Variants in ANKRD52 observed in about 807,000 individuals in gnomAD.
ANKRD52 encodes ankyrin repeat domain 52.
A neutral mutation model predicts 116.0 loss-of-function variants in ANKRD52; 7 were observed. The observed-to-expected ratio is 0.06, with a 90% CI of 0.03 to 0.11. The LOEUF (loss-of-function observed/expected upper bound fraction) is 0.11. ANKRD52 is among the 10% of genes least tolerant of loss of function. ANKRD52 has a pLI of 1.00. For synonymous variants in ANKRD52, 528 were observed against 578.1 expected (o/e 0.91, Z 1.24); for missense variants, 839 against 1,408.6 (o/e 0.60, Z 6.47).
Position 56,252,371 on chromosome 12 carries a change from A to C in ANKRD52, c.1371-56T>G. On this transcript the variant is annotated intron_variant, in intron 13 of 27. Transcript: ENST00000267116. This position sits in a 1 kb window ranked among gnomAD's most constrained non-coding sequence, Gnocchi z 4.7. ...AGAATCAGAGACAGATACGAATGCA[A>C]TCAGATGTGCAGCCAAATGCTGCTT... The C allele has an allele frequency of 1.2e-6, 2 of 1,607,754 alleles. No homozygotes were observed. Among genetic ancestry groups the C allele is most frequent in the Non-Finnish European group, 1.7e-6 (2 of 1,174,726 alleles).
chr12:56,246,563 T>A (rs967162981), intron 20 of ANKRD52, among the ~76,000 whole-genome samples: 1 of 152,012 alleles, frequency 6.6e-6, no homozygotes, highest in East Asian at 1.9e-4. Flanking sequence ...ATGCGATGGG[T>A]TGGGGCCAGC....
In ANKRD52 at chr12:56,254,020, A is replaced by T; in HGVS notation, c.906+47T>A. The T allele has an allele frequency of 1.9e-6, 3 of 1,562,464 alleles. No homozygotes were observed. Among genetic ancestry groups the T allele is most frequent in the Non-Finnish European group, 2.6e-6 (3 of 1,135,670 alleles). ...ATCCAGATACAGTCAGGACCCCTAG[A>T]TCCAAGTTTCGCTCCCCACTGGTCT... On this transcript the variant is annotated intron_variant, in intron 8 of 27. Coordinates refer to ENST00000267116, the MANE Select transcript of ANKRD52 (RefSeq NM_173595.4). The surrounding 1 kb of genome is among the most constrained non-coding windows in gnomAD (Gnocchi z 4.6).
Position 56,244,562 on chromosome 12 carries a change from C to G in ANKRD52, c.2722+90G>C. Reference sequence around the variant, plus strand: ...AGACAACCCTCTTGCTTTCTGAACCCCAGCCCCAGCCAGCCTCCACAGGCA... The same window carrying G: ...AGACAACCCTCTTGCTTTCTGAACCGCAGCCCCAGCCAGCCTCCACAGGCA... On this transcript the variant is annotated intron_variant, in intron 24 of 27. Coordinates refer to ENST00000267116, the MANE Select transcript of ANKRD52 (RefSeq NM_173595.4). This position sits in a 1 kb window ranked among gnomAD's most constrained non-coding sequence, Gnocchi z 4.9. 6.2e-7 allele frequency: 1 copy of G among 1,600,588 alleles called. No homozygotes were observed. The highest frequency in any genetic ancestry group is 8.5e-7 in the Non-Finnish European group (1 of 1,172,774).
At position 56,244,453 on chromosome 12, in the gene ANKRD52, T is replaced by C. The variant is rs767973182; in HGVS notation, c.2723-18A>G. 7 of 1,613,042 alleles carry C rather than the reference T, an allele frequency of 4.3e-6. No individual in the cohort carries two copies. The African/African-American group carries it at 6.7e-5, about 15-fold the overall frequency. ...CAGAAATTCTACGAGAGAAATGTGA[T>C]AGAGGGACTGACCCCTCCCTCCAGA... On this transcript the variant is annotated intron_variant, in intron 24 of 27. Transcript: ENST00000267116. This position sits in a 1 kb window ranked among gnomAD's most constrained non-coding sequence, Gnocchi z 4.9.
Position 56,239,248 on chromosome 12 carries a change from A to G in ANKRD52, c.*3894T>C, listed in dbSNP as rs867752289. 2 of 151,788 alleles carry G rather than the reference A, an allele frequency of 1.3e-5. No individual in the cohort carries two copies. Among genetic ancestry groups the G allele is most frequent in the African/African-American group, 2.4e-5 (1 of 41,266 alleles). 9.4% of individuals were successfully genotyped at this position (151,788 alleles called of 1,614,324 possible). A position where few individuals can be genotyped will look rare whatever the true frequency, so the allele number is the denominator to read the frequency against. On this transcript the variant is annotated 3_prime_UTR_variant, in exon 28 of 28. Transcript: ENST00000267116. ...CCCCAAGGCAGACCCTTCCCTCTCT[A>G]CCTCCCGATTCCCAGACCACTGGGC...
chr12:56,243,762 A>G lies in ANKRD52; in HGVS notation c.2980+23T>C, dbSNP rs1217325702. 3 of 1,550,444 alleles carry G rather than the reference A, an allele frequency of 1.9e-6. No individual in the cohort carries two copies. The highest frequency in any genetic ancestry group is 1.2e-5 in the South Asian group (1 of 84,014). ...CCCTGACCCCAAACCCAAGAGAGGC[A>G]TGGGGCCCCAGACCCCACCCACCTT... On this transcript the variant is annotated intron_variant, in intron 27 of 27. Coordinates refer to ENST00000267116, the MANE Select transcript of ANKRD52 (RefSeq NM_173595.4). The surrounding 1 kb of genome is among the most constrained non-coding windows in gnomAD (Gnocchi z 4.6).
chr12:56,249,006 C>T, intron 15 of ANKRD52, 136 bp from the exon 16 acceptor site: 1 of 586,312 alleles, frequency 1.7e-6, no homozygotes, highest in East Asian at 2.9e-5. Context: ...TAGGTAGGTT[C>T]TCTAAATCCT....
chr12:56,248,653 C>T lies in ANKRD52; in HGVS notation c.1705-87G>A. On this transcript the variant is annotated intron_variant, in intron 16 of 27. Transcript: ENST00000267116. The surrounding 1 kb of genome is among the most constrained non-coding windows in gnomAD (Gnocchi z 5.1). ...CCGACTCGCAGTAATCCCCACTAAG[C>T]CTCTGGATCCAAAGACCACATTTGA... 1.3e-6 allele frequency: 2 copies of T among 1,487,990 alleles called. No homozygotes were observed. The highest frequency in any genetic ancestry group is 1.2e-5 in the South Asian group (1 of 83,096). 92.2% of individuals were successfully genotyped at this position (1,487,990 alleles called of 1,614,324 possible).
Position 56,252,986 on chromosome 12 carries a change from C to T in ANKRD52, c.1183+18G>A, listed in dbSNP as rs771943795. 35 of 1,584,050 alleles carry T rather than the reference C, an allele frequency of 2.2e-5. No homozygotes were observed. The highest frequency in any genetic ancestry group is 4.0e-5 in the African/African-American group (3 of 74,200). ...GCTCTCCTATACACCTGCCAATCCC[C>T]AGCCCATCAGCACATACCTGAGGAA... On this transcript the variant is annotated intron_variant, in intron 11 of 27. Transcript: ENST00000267116. The surrounding 1 kb of genome is among the most constrained non-coding windows in gnomAD (Gnocchi z 4.7).
chr12:56,251,936 G>T lies in ANKRD52; in HGVS notation c.1592+79C>A, dbSNP rs11171784. On this transcript the variant is annotated intron_variant, in intron 15 of 27. Coordinates refer to ENST00000267116, the MANE Select transcript of ANKRD52 (RefSeq NM_173595.4). ...AGCAGCAGTATAGGGTAGAGGTTCA[G>T]ATTAGGTAGGAGGACAGTAGGGCCA... 24 of 1,477,744 alleles carry T rather than the reference G, an allele frequency of 1.6e-5. 1 individual carries two copies. In the Admixed American group the frequency reaches 1.9e-4, roughly 12 times the overall value. The allele number at this position is 1,477,744 out of a possible 1,614,324, so 91.5% of individuals were successfully genotyped here.
chr12:56,254,741 CT>C lies in ANKRD52; in HGVS notation c.551-22del. The C allele has an allele frequency of 1.2e-6, 2 of 1,603,472 alleles. No homozygotes were observed. Among genetic ancestry groups the C allele is most frequent in the Non-Finnish European group, 1.7e-6 (2 of 1,171,632 alleles). On this transcript the variant is annotated intron_variant, in intron 6 of 27. Coordinates refer to ENST00000267116, the MANE Select transcript of ANKRD52 (RefSeq NM_173595.4). This position sits in a 1 kb window ranked among gnomAD's most constrained non-coding sequence, Gnocchi z 4.6. ...GTGCCCTGAGAAAAGAGAAGACACT[CT>C]AAAGGAAGTAGAAGGTAAACTCTAA...
rs1190161901 is a variant in ANKRD52, at chr12:56,240,110, A to G, written c.*3032T>C. 6.6e-6 allele frequency: 1 copy of G among 152,046 alleles called. No individual in the cohort carries two copies. The highest frequency in any genetic ancestry group is 1.5e-5 in the Non-Finnish European group (1 of 68,034). 9.4% of individuals were successfully genotyped at this position (152,046 alleles called of 1,614,324 possible). A position where few individuals can be genotyped will look rare whatever the true frequency, so the allele number is the denominator to read the frequency against. ...ACATTCAGTGGTTTTCAGCAGTCCT[A>G]TGGCTCAGGGGGCCACGGGGCAGGG... On this transcript the variant is annotated 3_prime_UTR_variant, in exon 28 of 28. Transcript: ENST00000267116. The surrounding 1 kb of genome is among the most constrained non-coding windows in gnomAD (Gnocchi z 4.2).
chr12:56,245,370 C>T lies in ANKRD52; in HGVS notation c.2404+7G>A. ...CTCCTGTGCCTGTGGAGGCCCCAGT[C>T]TAGTACCAGTGTAGGAGGCCCAGTG... On this transcript the variant is annotated splice_region_variant and intron_variant, in intron 21 of 27. Transcript: ENST00000267116. The T allele has an allele frequency of 1.2e-6, 2 of 1,609,838 alleles. No homozygotes were observed. The highest frequency in any genetic ancestry group is 1.7e-6 in the Non-Finnish European group (2 of 1,178,396).
Position 56,243,178 on chromosome 12 carries a change from G to A in ANKRD52, c.3195C>T (p.Pro1065=), listed in dbSNP as rs78126417. The A allele has an allele frequency of 1.2e-5, 20 of 1,609,358 alleles. No individual in the cohort carries two copies. The highest frequency in any genetic ancestry group is 2.7e-5 in the African/African-American group (2 of 75,008). Residue 1065 remains proline, a synonymous_variant, in exon 28 of 28, where the codon CCC becomes CCT. Coordinates refer to ENST00000267116, the MANE Select transcript of ANKRD52 (RefSeq NM_173595.4). The surrounding 1 kb of genome is among the most constrained non-coding windows in gnomAD (Gnocchi z 4.6). ...GASCPYSQER[P]GAIGLDGCYS... ...AGCAGCCATCTAACCCAATGGCGCCGGGCCGCTCCTGGCTGTAGGGGCAGG... is the reference window on the plus strand; with the variant it reads ...AGCAGCCATCTAACCCAATGGCGCCAGGCCGCTCCTGGCTGTAGGGGCAGG...
Position 56,244,771 on chromosome 12 carries a change from G to T in ANKRD52, c.2603C>A (p.Ala868Glu). 1.2e-6 allele frequency: 2 copies of T among 1,613,788 alleles called. No homozygotes were observed. The highest frequency in any genetic ancestry group is 8.5e-7 in the Non-Finnish European group (1 of 1,179,896). The change falls in exon 24 of 28, where the codon GCG becomes GAG. Residue 868 changes from alanine (A) to glutamate (E), a missense_variant. Ala to Glu is a moderately radical substitution (Grantham distance 107). Transcript: ENST00000267116. This position sits in a 1 kb window ranked among gnomAD's most constrained non-coding sequence, Gnocchi z 4.9. ...CATCCGGAGCCCAGAGACATTGTCC[G>T]CGAAGGCAGCGGCGTGAAGGGGGGT... ...GRTPLHAAAFADNVSGLRMLL... is the reference protein window; with the variant it reads ...GRTPLHAAAFEDNVSGLRMLL...
Position 56,241,924 on chromosome 12 carries a change from G to T in ANKRD52, c.*1218C>A. ...CTTTCCTCCCTGCTGGGAAGGCAGG[G>T]ACCAAGCCCCAGTACCTATTCATCT... On this transcript the variant is annotated 3_prime_UTR_variant, in exon 28 of 28. Coordinates refer to ENST00000267116, the MANE Select transcript of ANKRD52 (RefSeq NM_173595.4). The T allele has an allele frequency of 7.5e-6, 3 of 398,498 alleles. No individual in the cohort carries two copies. In the South Asian group the frequency reaches 3.9e-4, roughly 52 times the overall value. 24.7% of individuals were successfully genotyped at this position (398,498 alleles called of 1,614,324 possible). A position where few individuals can be genotyped will look rare whatever the true frequency, so the allele number is the denominator to read the frequency against.
rs1311008168 is a variant in ANKRD52 at position 56,240,711 on chromosome 12, G to A, written c.*2431C>T. The A allele has an allele frequency of 6.6e-6, 1 of 152,268 alleles. No individual in the cohort carries two copies. The highest frequency in any genetic ancestry group is 1.5e-5 in the Non-Finnish European group (1 of 68,058). 9.4% of individuals were successfully genotyped at this position (152,268 alleles called of 1,614,324 possible). A position where few individuals can be genotyped will look rare whatever the true frequency, so the allele number is the denominator to read the frequency against. The stretch of plus-strand genomic sequence containing the variant: ...CGTGGGGTTTCCTTTGGCATAAGGA[G>A]AGGAGGCTGCTTGTCCCCCAGGCTT... On this transcript the variant is annotated 3_prime_UTR_variant, in exon 28 of 28. Coordinates refer to ENST00000267116, the MANE Select transcript of ANKRD52 (RefSeq NM_173595.4). This position sits in a 1 kb window ranked among gnomAD's most constrained non-coding sequence, Gnocchi z 4.2.
rs745517837 is a variant in ANKRD52 at position 56,252,551 on chromosome 12, A to G, written c.1321T>C (p.Leu441=). The change falls in exon 13 of 28, where the codon TTG becomes CTG. Residue 441 remains leucine (L), a synonymous_variant. Transcript: ENST00000267116. The surrounding 1 kb of genome is among the most constrained non-coding windows in gnomAD (Gnocchi z 4.7). ...ASGGNVECLN[L]LLSSGADLRR... ...AAGTCAGCTCCACTGCTCAACAGCA[A>G]ATTAAGACATTCAACATTCCTAAAA... The G allele has an allele frequency of 3.8e-5, 61 of 1,613,858 alleles. No individual in the cohort carries two copies. Among genetic ancestry groups the G allele is most frequent in the Non-Finnish European group, 5.2e-5 (61 of 1,179,884 alleles).
Position 56,243,970 on chromosome 12 carries a change from C to T in ANKRD52, c.2888+81G>A. 6.2e-7 allele frequency: 1 copy of T among 1,603,110 alleles called. No individual in the cohort carries two copies. On this transcript the variant is annotated intron_variant, in intron 26 of 27. Transcript: ENST00000267116. The surrounding 1 kb of genome is among the most constrained non-coding windows in gnomAD (Gnocchi z 4.6). ...GGTGCTGAACAAATACAATGGGCTC[C>T]AGAGAGCCTCTGAACAGCGGCCACT...
Sources: allele counts gnomAD v4.1 joint callset (sites outside exome capture counted in the v4.1 genomes callset), GRCh38; gene constraint gnomAD v4.1.1; non-coding constraint Gnocchi (gnomAD v3.1); transcripts MANE v1.5; gene names NCBI Gene and HGNC (gene_info 2026-07-23, HGNC 2026-07-21).